The following SCN11A variants were observed in gnomAD, a reference collection of about 807,000 sequenced individuals.
SCN11A encodes sodium channel protein type 11 subunit alpha.
Under a neutral mutation model 162.2 loss-of-function variants are expected in SCN11A, and 122 were observed. The observed-to-expected ratio is 0.75, with a 90% CI of 0.65 to 0.87. SCN11A has a LOEUF of 0.87. SCN11A is among the 40% of genes least tolerant of loss of function. The pLI is 0.00. For synonymous variants in SCN11A, 758 were observed against 751.5 expected (o/e 1.01, Z -0.14); for missense variants, 2,015 against 2,181.6 (o/e 0.92, Z 1.52).
rs190235623 is a variant in SCN11A, at chr3:38,916,623, G to C, written c.959+3312C>G. ...TCCTTCATGGTTGGCTCTTGTCTCT[G>C]TTCCTTCCTGCTCTCTTGCCTGTCT... On this transcript the variant is annotated intron_variant, in intron 11 of 29. Coordinates refer to ENST00000302328, the MANE Select transcript of SCN11A (RefSeq NM_001349253.2). Among the ~76,000 whole-genome samples the C allele has an allele frequency of 3.5e-3, 536 of 152,244 alleles. 2 individuals are homozygous for C. The highest frequency in any genetic ancestry group is 6.8e-3 in the Middle Eastern group (2 of 294).
intron 16 of SCN11A, among the ~76,000 whole-genome samples, chr3:38,900,768 A>G (rs1466600111): frequency 6.6e-6 from 1 of 152,204 alleles, no homozygotes; most frequent in East Asian, 1.9e-4. Context: ...CCAGAACAAA[A>G]TATCAAAGAA....
intron 2 of SCN11A, among the ~76,000 whole-genome samples, chr3:39,024,776 G>C (rs1490367702): frequency 6.6e-6 from 1 of 151,806 alleles, no homozygotes; most frequent in Non-Finnish European, 1.5e-5. Flanking sequence ...GAAGAGTTTA[G>C]ACAGACAGGC....
At chr3:38,959,546 C>G (rs1237693624) in intron 3 of SCN11A, among the ~76,000 whole-genome samples, 2 of 152,204 alleles carry the variant, frequency 1.3e-5, no homozygotes, top group East Asian at 1.9e-4. Flanking sequence ...CCACTGCCAC[C>G]TCCTCATTCA....
rs1340672114 is a variant in SCN11A at position 38,846,704 on chromosome 3, T to G, written c.5366A>C (p.His1789Pro). The change falls in exon 30 of 30, where the codon CAC becomes CCC. Residue 1789 changes from histidine to proline, a missense_variant. Physicochemically the swap from His to Pro is moderately conservative, Grantham distance 77 (BLOSUM62 -2). Coordinates refer to ENST00000302328, the MANE Select transcript of SCN11A (RefSeq NM_001349253.2). The part of the protein sequence containing the change: ...SSFGVAKGKV[H>P]CD ...CGTGGAGGTGAGGGCTCAGTCACAGTGGACCTTGCCCTTGGCCACCCCAAA... is the reference window on the plus strand; with the variant it reads ...CGTGGAGGTGAGGGCTCAGTCACAGGGGACCTTGCCCTTGGCCACCCCAAA... 6.2e-7 allele frequency: 1 copy of G among 1,613,678 alleles called. No homozygotes were observed. The highest frequency in any genetic ancestry group is 1.1e-5 in the South Asian group (1 of 91,058).
intron 27 of SCN11A, among the ~76,000 whole-genome samples, chr3:38,866,949 G>A (rs996608441): frequency 6.6e-6 from 1 of 152,074 alleles, no homozygotes; most frequent in African/African-American, 2.4e-5. Flanking sequence ...GTTTTATAGT[G>A]GATAATAAAG....
At chr3:38,901,049 G>A (rs192069362) in intron 16 of SCN11A, among the ~76,000 whole-genome samples, 24 of 151,812 alleles carry the variant, frequency 1.6e-4, no homozygotes, top group Non-Finnish European at 7.4e-5. Flanking sequence ...AAAATAATAA[G>A]GTAATATTAA....
At chr3:38,852,110 A>G (rs955003360) in intron 28 of SCN11A, among the ~76,000 whole-genome samples, 6 of 152,180 alleles carry the variant, frequency 3.9e-5, no homozygotes, top group African/African-American at 1.4e-4. Flanking sequence ...TACAGATGAC[A>G]TTAATACTGA....
At chr3:39,006,098 A>G (rs1192740149) in intron 2 of SCN11A, among the ~76,000 whole-genome samples, 4 of 152,146 alleles carry the variant, frequency 2.6e-5, no homozygotes, top group African/African-American at 9.7e-5. Context: ...AATGTTTTTG[A>G]TAAGAAGGCT....
At chr3:38,883,533 A>T (rs2065345649) in intron 21 of SCN11A, 146 bp from the exon 22 acceptor site, 3 of 702,910 alleles carry the variant, frequency 4.3e-6, no homozygotes, top group Non-Finnish European at 7.0e-6. Context: ...TTTTTCTAAC[A>T]TCTTAAATCT....
chr3:38,972,462 C>A (rs1017907055), intron 2 of SCN11A, among the ~76,000 whole-genome samples: 2 of 152,148 alleles, frequency 1.3e-5, no homozygotes, highest in African/African-American at 2.4e-5. Flanking sequence ...AGACTTTGAA[C>A]ACCAACCAGG....
At chr3:38,927,830 C>T (rs1045867497) in intron 7 of SCN11A, among the ~76,000 whole-genome samples, 5 of 152,166 alleles carry the variant, frequency 3.3e-5, no homozygotes, top group Non-Finnish European at 7.3e-5. Context: ...TCAATTATCT[C>T]CCACCAGGGC....
At chr3:38,859,191 A>C (rs1349320797) in intron 28 of SCN11A, among the ~76,000 whole-genome samples, 2 of 152,166 alleles carry the variant, frequency 1.3e-5, no homozygotes, top group African/African-American at 4.8e-5. Flanking sequence ...AGCAGAAATA[A>C]ATTAAACTGA....
chr3:39,018,272 C>T (rs578240255), intron 2 of SCN11A, among the ~76,000 whole-genome samples: 1 of 152,310 alleles, frequency 6.6e-6, no homozygotes, highest in South Asian at 2.1e-4. Context: ...TAGAAAAGAA[C>T]TCTCTACAGA....
chr3:38,987,307 A>T (rs111509402), intron 2 of SCN11A, among the ~76,000 whole-genome samples: 221 of 73,584 alleles, frequency 3.0e-3, no homozygotes, highest in African/African-American at 0.014. Context: ...TCTCTCTCAC[A>T]CACACACACA....
intron 2 of SCN11A, among the ~76,000 whole-genome samples, chr3:38,986,756 T>C (rs1403967414): frequency 1.3e-5 from 2 of 152,072 alleles, no homozygotes; most frequent in African/African-American, 2.4e-5. Flanking sequence ...GGCAGATCCA[T>C]ACAATACTGA....
intron 1 of SCN11A, among the ~76,000 whole-genome samples, chr3:39,034,356 T>C (rs1446537252): frequency 6.6e-6 from 1 of 152,188 alleles, no homozygotes; most frequent in Non-Finnish European, 1.5e-5. Flanking sequence ...AAAAATCATA[T>C]GATCATTTCA....
intron 2 of SCN11A, among the ~76,000 whole-genome samples, chr3:39,003,437 G>C (rs1273731677): frequency 1.3e-5 from 2 of 152,126 alleles, no homozygotes; most frequent in Non-Finnish European, 2.9e-5. Context: ...GTCATTGATG[G>C]GCATTTGGGT....
chr3:38,957,558 C>T (rs918041059), intron 3 of SCN11A, among the ~76,000 whole-genome samples: 3 of 152,174 alleles, frequency 2.0e-5, no homozygotes, highest in Non-Finnish European at 2.9e-5. Context: ...AATGACAGAG[C>T]CTGGGAGAGC....
At chr3:38,970,621 A>G (rs2066810914) in intron 2 of SCN11A, among the ~76,000 whole-genome samples, 1 of 152,198 alleles carries the variant, frequency 6.6e-6, no homozygotes, top group African/African-American at 2.4e-5. Flanking sequence ...AGATGTCTAG[A>G]GAGTCAGACC....
Sources: allele counts gnomAD v4.1 joint callset (sites outside exome capture counted in the v4.1 genomes callset), GRCh38; gene constraint gnomAD v4.1.1; transcripts MANE v1.5; gene names NCBI Gene and HGNC (gene_info 2026-07-23, HGNC 2026-07-21).